Variants in FRMD4A observed in about 807,000 individuals in gnomAD.
The protein encoded by FRMD4A is FERM domain-containing protein 4A.
Under a neutral mutation model 129.1 loss-of-function variants are expected in FRMD4A, and 29 were observed. The ratio of observed to expected loss-of-function variants is 0.22; its 90% CI spans 0.17 to 0.31. FRMD4A has a LOEUF of 0.31. FRMD4A is among the 10% of genes least tolerant of loss of function. The pLI, the probability that FRMD4A is intolerant of heterozygous loss-of-function variation, is 1.00. For missense variants in FRMD4A, 1,272 were observed against 1,375.8 expected, an observed-to-expected ratio of 0.92 and a Z score of 1.19; for synonymous variants, 634 against 571.6, an observed-to-expected ratio of 1.11 and a Z score of -1.56.
At chr10:13,796,092 G>A (rs1369638830) in intron 5 of FRMD4A, among the ~76,000 whole-genome samples, 2 of 152,162 alleles carry the variant, frequency 1.3e-5, no homozygotes, top group Non-Finnish European at 2.9e-5. Flanking sequence ...CAGGTTTCAC[G>A]AGATTCAAGT....
intron 2 of FRMD4A, among the ~76,000 whole-genome samples, chr10:14,112,216 G>C (rs959997938): frequency 2.6e-5 from 4 of 152,072 alleles, no homozygotes; most frequent in African/African-American, 9.7e-5. Flanking sequence ...AGCTGGGGAG[G>C]GCCCAGAGCA....
intron 2 of FRMD4A, among the ~76,000 whole-genome samples, chr10:14,050,432 T>C (rs1030134188): frequency 6.6e-6 from 1 of 152,178 alleles, no homozygotes; most frequent in Non-Finnish European, 1.5e-5. Flanking sequence ...CCTAATAAAA[T>C]ACAAATTACC....
intron 3 of FRMD4A, among the ~76,000 whole-genome samples, chr10:13,848,366 T>C (rs1338022973): frequency 6.6e-6 from 1 of 152,188 alleles, no homozygotes; most frequent in Admixed American, 6.5e-5. Context: ...CAGGACAAAG[T>C]CTGCCAAATA....
At chr10:13,693,517 C>T in intron 15 of FRMD4A, 2 of 1,176,038 alleles carry the variant, frequency 1.7e-6, no homozygotes, top group African/African-American at 1.6e-5. Flanking sequence ...GGCACCAGAT[C>T]CTGAAATTCA....
At chr10:14,023,461 G>A (rs551792772) in intron 2 of FRMD4A, among the ~76,000 whole-genome samples, 2 of 152,348 alleles carry the variant, frequency 1.3e-5, no homozygotes, top group South Asian at 2.1e-4. Context: ...CCAGCTGCGA[G>A]ACGCAGACTG....
intron 12 of FRMD4A, among the ~76,000 whole-genome samples, chr10:13,736,417 A>C (rs1253949294): frequency 6.6e-6 from 1 of 152,210 alleles, no homozygotes; most frequent in East Asian, 1.9e-4. Context: ...CTTTGGAGAT[A>C]GCCGCAAAAC....
At position 13,932,165 on chromosome 10, in the gene FRMD4A, G is replaced by T. The variant is rs1416235452; in HGVS notation, c.46-73253C>A. On this transcript the variant is annotated intron_variant, in intron 2 of 24. Transcript: ENST00000357447. ...CCATTGACCAAGTCTAAGTTTTGCA[G>T]AAGCAATAACCTGGTCCTCTGCTTT... 2.0e-5 allele frequency among the ~76,000 whole-genome samples: 3 copies of T among 152,224 alleles called. No individual in the cohort carries two copies. In the East Asian group the frequency reaches 5.8e-4, roughly 29 times the overall value.
chr10:14,128,203 A>C (rs1839035620), intron 2 of FRMD4A, among the ~76,000 whole-genome samples: 1 of 151,292 alleles, frequency 6.6e-6, no homozygotes, highest in African/African-American at 2.4e-5. Flanking sequence ...TCCGGGCCTC[A>C]AGCAATCTTC....
rs150899323 is a variant in FRMD4A, at chr10:14,185,470, C to T, written c.45+144588G>A. On this transcript the variant is annotated intron_variant, in intron 2 of 24. Coordinates refer to ENST00000357447, the MANE Select transcript of FRMD4A (RefSeq NM_018027.5). ...TCGTGGCAGAAATTAGTACAAAAAA[C>T]ATTACAACATTTTGTAATTTTTCTA... 4.9e-3 allele frequency among the ~76,000 whole-genome samples: 753 copies of T among 152,278 alleles called. 9 individuals carry two copies. The highest frequency in any genetic ancestry group is 0.016 in the African/African-American group (653 of 41,556).
chr10:13,804,714 C>CTTT (rs35111872), intron 4 of FRMD4A, among the ~76,000 whole-genome samples: 1,323 of 127,690 alleles, frequency 0.01, 20 homozygotes, highest in African/African-American at 0.03. Context: ...CCAGCTAATT[C>CTTT]TTTTTTTTTT....
At chr10:14,083,654 G>C (rs898716) in intron 2 of FRMD4A, 1 of 152,090 alleles carries the variant, frequency 6.6e-6, no homozygotes, top group Non-Finnish European at 1.5e-5. Context: ...AGTGTCTCTA[G>C]TTGTCCCGGT....
rs1036211800 is a variant in FRMD4A, at chr10:14,117,179, C to G, written c.45+212879G>C. On this transcript the variant is annotated intron_variant, in intron 2 of 24. Coordinates refer to ENST00000357447, the MANE Select transcript of FRMD4A (RefSeq NM_018027.5). ...ATGAGGAAGTTTGTCTTGGTGTCTT[C>G]TTGGAGGACCCAGACTAACATGGAC... is the stretch of plus-strand genomic sequence containing the variant. 7.9e-5 allele frequency among the ~76,000 whole-genome samples: 12 copies of G among 152,376 alleles called. No individual in the cohort carries two copies. The East Asian group carries it at 2.3e-3, about 29-fold the overall frequency.
chr10:14,009,519 G>A (rs935164654), intron 2 of FRMD4A, among the ~76,000 whole-genome samples: 4 of 152,190 alleles, frequency 2.6e-5, no homozygotes, highest in African/African-American at 7.2e-5. Context: ...CGGAAATGAA[G>A]GTTCTGTTTA....
chr10:13,914,762 A>G (rs908958426), intron 2 of FRMD4A, among the ~76,000 whole-genome samples: 4 of 152,208 alleles, frequency 2.6e-5, no homozygotes, highest in East Asian at 1.9e-4. Context: ...TAGGAGGCTG[A>G]AGTGTGATGT....
chr10:14,112,400 T>A (rs1264839775), intron 2 of FRMD4A, among the ~76,000 whole-genome samples: 4 of 152,176 alleles, frequency 2.6e-5, no homozygotes, highest in Admixed American at 1.3e-4. Context: ...GCGGTCTCGA[T>A]GTGGTTGTGT....
intron 12 of FRMD4A, among the ~76,000 whole-genome samples, chr10:13,713,348 T>G (rs898881779): frequency 6.6e-6 from 1 of 152,170 alleles, no homozygotes; most frequent in East Asian, 1.9e-4. Context: ...TAACACACCA[T>G]GAAGCTCTGA....
chr10:14,314,904 C>A (rs1347805624), intron 2 of FRMD4A, among the ~76,000 whole-genome samples: 1 of 152,034 alleles, frequency 6.6e-6, no homozygotes, highest in Non-Finnish European at 1.5e-5. Flanking sequence ...AGAAGCATCT[C>A]ACTATAAAGT....
intron 13 of FRMD4A, among the ~76,000 whole-genome samples, chr10:13,704,833 G>C (rs1373937987): frequency 1.3e-5 from 2 of 152,018 alleles, no homozygotes; most frequent in African/African-American, 4.8e-5. Flanking sequence ...CACTTTGAGA[G>C]GCCAAGATGG....
At chr10:13,750,879 A>G (rs115288625) in intron 8 of FRMD4A, among the ~76,000 whole-genome samples, 1 of 152,190 alleles carries the variant, frequency 6.6e-6, no homozygotes, top group Admixed American at 6.5e-5. Context: ...CATGCTATAA[A>G]GGCATAGTTT....
Sources: allele counts gnomAD v4.1 joint callset (sites outside exome capture counted in the v4.1 genomes callset), GRCh38; gene constraint gnomAD v4.1.1; transcripts MANE v1.5; gene names NCBI Gene and HGNC (gene_info 2026-07-23, HGNC 2026-07-21).